ACTN1: variants seen among roughly 807,000 people sequenced by gnomAD.
ACTN1 encodes actinin alpha 1.
A neutral mutation model predicts 119.6 loss-of-function variants in ACTN1; 30 were observed. The ratio of observed to expected loss-of-function variants is 0.25; its 90% CI spans 0.19 to 0.34. The LOEUF (loss-of-function observed/expected upper bound fraction) is 0.34, where lower values mean the gene tolerates loss of function less well. Ranked by LOEUF, ACTN1 falls within the 10% of genes least tolerant of loss-of-function variation. The pLI, the probability that ACTN1 is intolerant of heterozygous loss-of-function variation, is 1.00. For synonymous variants in ACTN1, 429 were observed against 472.6 expected, an observed-to-expected ratio of 0.91 and a Z score of 1.20; for missense variants, 764 against 1,223.4, an observed-to-expected ratio of 0.62 and a Z score of 5.60.
At chr14:68,918,412 T>C (rs559721047) in intron 3 of ACTN1, among the ~76,000 whole-genome samples, 1 of 150,962 alleles carries the variant, frequency 6.6e-6, no homozygotes, top group South Asian at 2.1e-4. Flanking sequence ...AAACCCCGTC[T>C]CTACTAAAAA....
At chr14:68,910,585 T>C (rs994741762) in intron 4 of ACTN1, among the ~76,000 whole-genome samples, 6 of 152,114 alleles carry the variant, frequency 3.9e-5, no homozygotes, top group African/African-American at 1.4e-4. Context: ...CACGTGTCTA[T>C]GAGGTTAGGC....
intron 1 of ACTN1, among the ~76,000 whole-genome samples, chr14:68,950,455 C>CATGTGT (rs141940950): frequency 0.012 from 1,584 of 137,064 alleles, 138 homozygotes; most frequent in African/African-American, 0.048. Context: ...AATATATATG[C>CATGTGT]GTGTGTGTAT....
At chr14:68,947,831 G>A (rs1044487228) in intron 1 of ACTN1, among the ~76,000 whole-genome samples, 1 of 152,246 alleles carries the variant, frequency 6.6e-6, no homozygotes, top group African/African-American at 2.4e-5. Context: ...GCAATCCGGA[G>A]CAGTGGGAGT....
chr14:68,924,971 G>A (rs553266447), intron 2 of ACTN1, among the ~76,000 whole-genome samples: 22 of 152,308 alleles, frequency 1.4e-4, no homozygotes, highest in Admixed American at 3.3e-4. Context: ...GAGGTGGCTC[G>A]AGGGAGAGGG....
At position 68,924,334 on chromosome 14, in the gene ACTN1, A is replaced by G. The variant is rs138465828; in HGVS notation, c.220+1224T>C. ...CTGAAAGTAGAAAAAACTACTTTTA[A>G]AAAAAAAGGGCAGTTAGAGCTTGTG... is the stretch of plus-strand genomic sequence containing the variant. On this transcript the variant is annotated intron_variant, in intron 2 of 21. Transcript: ENST00000394419. Among the ~76,000 whole-genome samples, 345 of 148,382 alleles carry G rather than the reference A, an allele frequency of 2.3e-3. 1 individual carries two copies. Among genetic ancestry groups the G allele is most frequent in the Non-Finnish European group, 2.9e-3 (200 of 67,962 alleles).
rs146517124 is a variant in ACTN1, at chr14:68,891,307, A to G, written c.1086+746T>C. Reference sequence around the variant, plus strand: ...CTAAGTTGTGGGGACAGGGTCAAGAAGGATGAATAACAAAAATAACCTAAA... The same window carrying G: ...CTAAGTTGTGGGGACAGGGTCAAGAGGGATGAATAACAAAAATAACCTAAA... On this transcript the variant is annotated intron_variant, in intron 10 of 21. Transcript: ENST00000394419. 6.1e-3 allele frequency among the ~76,000 whole-genome samples: 936 copies of G among 152,348 alleles called. 17 individuals carry two copies. Among genetic ancestry groups the G allele is most frequent in the South Asian group, 7.3e-3 (35 of 4,826 alleles).
intron 1 of ACTN1, among the ~76,000 whole-genome samples, chr14:68,930,584 GGAT>G (rs905287760): frequency 2.0e-5 from 3 of 152,122 alleles, no homozygotes; most frequent in African/African-American, 7.2e-5. Context: ...GGATTCACTC[GGAT>G]CACTCTGCAG....
At chr14:68,958,095 G>A (rs2036412660) in intron 1 of ACTN1, among the ~76,000 whole-genome samples, 1 of 152,210 alleles carries the variant, frequency 6.6e-6, no homozygotes, top group Admixed American at 6.5e-5. Flanking sequence ...GCAGGTGGTA[G>A]CTGTTGAGGA....
chr14:68,915,407 C>T (rs1212581375), intron 3 of ACTN1, among the ~76,000 whole-genome samples: 1 of 152,216 alleles, frequency 6.6e-6, no homozygotes, highest in Non-Finnish European at 1.5e-5. Flanking sequence ...CCCTTGACCA[C>T]CCAAGTTCCT....
chr14:68,881,936 C>CCTTTTTTTTTTTTTTT (rs2031552165), intron 16 of ACTN1, among the ~76,000 whole-genome samples: 1 of 58,394 alleles, frequency 1.7e-5, no homozygotes, highest in African/African-American at 1.1e-4. Flanking sequence ...TAGGCAGCTT[C>CCTTTTTTTTTTTTTTT]TTTTTTTTTT....
At chr14:68,972,747 C>T (rs2036929631) in intron 1 of ACTN1, among the ~76,000 whole-genome samples, 2 of 152,328 alleles carry the variant, frequency 1.3e-5, no homozygotes, top group Non-Finnish European at 2.9e-5. Flanking sequence ...CTTCAGATCC[C>T]AGCTCCACCA....
intron 1 of ACTN1, among the ~76,000 whole-genome samples, chr14:68,945,322 A>C (rs1477212701): frequency 6.6e-6 from 1 of 151,318 alleles, no homozygotes; most frequent in Non-Finnish European, 1.5e-5. Context: ...CAGAGACTGG[A>C]GATCAACTAG....
intron 1 of ACTN1, among the ~76,000 whole-genome samples, chr14:68,926,368 T>C (rs1258812597): frequency 6.6e-6 from 1 of 152,194 alleles, no homozygotes; most frequent in Non-Finnish European, 1.5e-5. Context: ...TATGATCAGG[T>C]GAGGCAGCAA....
At chr14:68,875,908 C>A (rs2030835189) in intron 21 of ACTN1, among the ~76,000 whole-genome samples, 1 of 152,250 alleles carries the variant, frequency 6.6e-6, no homozygotes, top group Non-Finnish European at 1.5e-5. Flanking sequence ...ACTTTAGGGA[C>A]TTCTTTGTAG....
chr14:68,911,785 C>G (rs1472460171), intron 4 of ACTN1, among the ~76,000 whole-genome samples: 1 of 152,162 alleles, frequency 6.6e-6, no homozygotes, highest in African/African-American at 2.4e-5. Context: ...CTAGAGGGTG[C>G]TAGGGGAGCA....
At position 68,936,914 on chromosome 14, in the gene ACTN1, G is replaced by C. The variant is rs1594844820; in HGVS notation, c.106-11242C>G. 1.3e-5 allele frequency: 7 copies of C among 553,268 alleles called. No individual in the cohort carries two copies. The Admixed American group carries it at 1.4e-4, about 11-fold the overall frequency. The allele number at this position is 553,268 out of a possible 1,614,324, so 34.3% of individuals were successfully genotyped here. A position where few individuals can be genotyped will look rare whatever the true frequency, so the allele number is the denominator to read the frequency against. ...CCCCAGCCCTCATCCAGAGTTTGCA[G>C]CCATGAAGGGACTCCTCCCCTGTCC... On this transcript the variant is annotated intron_variant, in intron 1 of 21. Transcript: ENST00000394419.
At chr14:68,916,818 T>C (rs913509007) in intron 3 of ACTN1, among the ~76,000 whole-genome samples, 1 of 152,206 alleles carries the variant, frequency 6.6e-6, no homozygotes, top group Admixed American at 6.5e-5. Context: ...TCACATCCCC[T>C]GTTTACTGGG....
At chr14:68,929,388 C>T (rs1008905623) in intron 1 of ACTN1, among the ~76,000 whole-genome samples, 17 of 152,012 alleles carry the variant, frequency 1.1e-4, no homozygotes, top group African/African-American at 4.1e-4. Context: ...GGACGCCCAG[C>T]GTGGTGGGGA....
In ACTN1 at chr14:68,921,048, T is replaced by C; in HGVS notation, c.298A>G (p.Ile100Val). 6.2e-7 allele frequency: 1 copy of C among 1,613,530 alleles called. No homozygotes were observed. The highest frequency in any genetic ancestry group is 8.5e-7 in the Non-Finnish European group (1 of 1,179,464). Residue 100 changes from isoleucine to valine, a missense_variant, in exon 3 of 22, where the codon ATA becomes GTA. Physicochemically the swap from Ile to Val is conservative, Grantham distance 29. Coordinates refer to ENST00000394419, the MANE Select transcript of ACTN1 (RefSeq NM_001130004.2). ...ISNVNKALDFIASKGVKLVSI... is the reference protein window; with the variant it reads ...ISNVNKALDFVASKGVKLVSI... ...ACCAGTTTGACGCCTTTGCTGGCTA[T>C]GAAATCCAGGGCCTTGTTGACGTTG...
Sources: gnomAD v4.1 joint callset for allele counts (sites outside exome capture counted in the v4.1 genomes callset) on GRCh38, gnomAD v4.1.1 for gene constraint, MANE v1.5 for transcripts, NCBI Gene and HGNC (gene_info 2026-07-23, HGNC 2026-07-21) for gene names.